The following CELSR3 variants were observed in gnomAD, a reference collection of about 807,000 sequenced individuals.
CELSR3 encodes the protein cadherin EGF LAG seven-pass G-type receptor 3.
Under a neutral mutation model 270.0 loss-of-function variants are expected in CELSR3, and 73 were observed. The observed-to-expected ratio is 0.27, with a 90% CI of 0.22 to 0.33. The LOEUF is 0.33. CELSR3 is among the 10% of genes least tolerant of loss of function. The pLI is 1.00. For synonymous variants in CELSR3, 1,780 were observed against 1,905.4 expected (o/e 0.93, Z 1.71); for missense variants, 3,614 against 4,533.8 (o/e 0.80, Z 5.83).
Position 48,639,861 on chromosome 3 carries a change from G to C in CELSR3, c.9724C>G (p.Gln3242Glu), listed in dbSNP as rs752095861. 6.2e-7 allele frequency: 1 copy of C among 1,613,738 alleles called. No homozygotes were observed. The change falls in exon 34 of 35, where the codon CAG becomes GAG. Residue 3242 changes from glutamine (Q) to glutamate (E), a missense_variant. This residue lies in a region of CELSR3 where 1,240 missense variants were observed against 1,351.7 expected (regional missense o/e 0.92). Transcript: ENST00000164024. The surrounding 1 kb of genome is among the most constrained non-coding windows in gnomAD (Gnocchi z 4.1). ...SGPSHGPSTE[Q>E]LDILSSILAS... is the part of the protein sequence containing the mutation. Reference sequence around the variant, plus strand: ...AGGATGGAGGAAAGAATGTCCAACTGTTCTGTGGAGGGGCCATGGCTGGGG... The same window carrying C: ...AGGATGGAGGAAAGAATGTCCAACTCTTCTGTGGAGGGGCCATGGCTGGGG...
chr3:48,652,135 T>A lies in CELSR3; in HGVS notation c.5752-87A>T. ...CAGAGCCAGCCACCCGGTCTGATGA[T>A]CCTTGACATGCAGTCTTCTGATACC... On this transcript the variant is annotated intron_variant, in intron 11 of 34. Coordinates refer to ENST00000164024, the MANE Select transcript of CELSR3 (RefSeq NM_001407.3). This position sits in a 1 kb window ranked among gnomAD's most constrained non-coding sequence, Gnocchi z 4.3. 1 of 1,307,824 alleles carries A rather than the reference T, an allele frequency of 7.6e-7. No individual in the cohort carries two copies. Among genetic ancestry groups the A allele is most frequent in the Non-Finnish European group, 1.0e-6 (1 of 980,550 alleles). The allele number at this position is 1,307,824 out of a possible 1,614,324, so 81.0% of individuals were successfully genotyped here. A position where few individuals can be genotyped will look rare whatever the true frequency, so the allele number is the denominator to read the frequency against.
In CELSR3 at chr3:48,655,716, G is replaced by A; in HGVS notation, c.4741+20C>T. On this transcript the variant is annotated intron_variant, in intron 4 of 34. Transcript: ENST00000164024. This position sits in a 1 kb window ranked among gnomAD's most constrained non-coding sequence, Gnocchi z 5.8. ...TCCAGCACACACGCACCCTTTCGCC[G>A]TCACATCCGGGGCACCCACCCGTGG... 18 of 1,602,438 alleles carry A rather than the reference G, an allele frequency of 1.1e-5. No individual in the cohort carries two copies. Among genetic ancestry groups the A allele is most frequent in the Non-Finnish European group, 1.5e-5 (17 of 1,169,782 alleles).
rs2047142504 is a variant in CELSR3 at position 48,652,060 on chromosome 3, C to T, written c.5752-12G>A. On this transcript the variant is annotated splice_polypyrimidine_tract_variant and intron_variant, in intron 11 of 34. Transcript: ENST00000164024. This position sits in a 1 kb window ranked among gnomAD's most constrained non-coding sequence, Gnocchi z 4.3. ...CCGAGCCACACCCCCTGTGGACACA[C>T]AGCCAGCAAGGGGTGAGACCATGTT... The T allele has an allele frequency of 5.2e-6, 8 of 1,525,894 alleles. No homozygotes were observed. The South Asian group carries it at 9.1e-5, about 17-fold the overall frequency. The allele number at this position is 1,525,894 out of a possible 1,614,324, so 94.5% of individuals were successfully genotyped here.
At position 48,642,087 on chromosome 3, in the gene CELSR3, G is replaced by A. The variant is rs1171487690; in HGVS notation, c.8666-78C>T. On this transcript the variant is annotated intron_variant, in intron 31 of 34. Transcript: ENST00000164024. This position sits in a 1 kb window ranked among gnomAD's most constrained non-coding sequence, Gnocchi z 6.1. The stretch of plus-strand genomic sequence containing the variant: ...GGGAATTTGGAGTTGAGGGTCTAGA[G>A]GTGGGTACGGCAAGGGGGTTAGGGT... 2.2e-6 allele frequency: 3 copies of A among 1,385,896 alleles called. No individual in the cohort carries two copies. Among genetic ancestry groups the A allele is most frequent in the Non-Finnish European group, 2.9e-6 (3 of 1,029,992 alleles). The allele number at this position is 1,385,896 out of a possible 1,614,324, so 85.8% of individuals were successfully genotyped here. A position where few individuals can be genotyped will look rare whatever the true frequency, so the allele number is the denominator to read the frequency against.
In CELSR3 at chr3:48,656,302, C is replaced by T; in HGVS notation, c.4463G>A (p.Gly1488Asp). The change falls in exon 3 of 35, where the codon GGC (glycine) becomes GAC (aspartate). Residue 1488 changes from glycine (G) to aspartate (D), a missense_variant. Physicochemically the swap from Gly to Asp is moderately conservative, Grantham distance 94 (BLOSUM62 -1). Coordinates refer to ENST00000164024, the MANE Select transcript of CELSR3 (RefSeq NM_001407.3). ...GCCGTTGGGCGCGTCGGTGCAGGTG[C>T]CCCCGTTGCGGCAGACGCCCGGCAC... ...RCVPGVCRNG[G>D]TCTDAPNGGF... 2 of 1,505,610 alleles carry T rather than the reference C, an allele frequency of 1.3e-6. No individual in the cohort carries two copies. Among genetic ancestry groups the T allele is most frequent in the East Asian group, 2.6e-5 (1 of 38,508 alleles). 93.3% of individuals were successfully genotyped at this position (1,505,610 alleles called of 1,614,324 possible).
In CELSR3 at chr3:48,644,385, A is replaced by C; in HGVS notation, c.8086-90T>G. The C allele has an allele frequency of 2.4e-6, 3 of 1,245,476 alleles. No individual in the cohort carries two copies. Among genetic ancestry groups the C allele is most frequent in the Non-Finnish European group, 3.5e-6 (3 of 855,328 alleles). The allele number at this position is 1,245,476 out of a possible 1,614,324, so 77.2% of individuals were successfully genotyped here. ...GAGAGACAGAGAGAGACTAAGATTC[A>C]CGGAGAGAGGCAGAACCAGTGAGAA... On this transcript the variant is annotated intron_variant, in intron 26 of 34. Coordinates refer to ENST00000164024, the MANE Select transcript of CELSR3 (RefSeq NM_001407.3). This position sits in a 1 kb window ranked among gnomAD's most constrained non-coding sequence, Gnocchi z 4.8.
chr3:48,645,747 G>T lies in CELSR3; in HGVS notation c.7585C>A (p.Arg2529Ser). 1 of 1,608,854 alleles carries T rather than the reference G, an allele frequency of 6.2e-7. No homozygotes were observed. Among genetic ancestry groups the T allele is most frequent in the Admixed American group, 1.7e-5 (1 of 59,944 alleles). ...GACACTGAACACAGCCCCACCTCAC[G>T]GGGAGAGGCATCCATGAGGACCCCA... is the stretch of plus-strand genomic sequence containing the variant. The part of the protein sequence containing the change: ...TFGVLMDASP[R>S]ERLEGDLELL... Residue 2529 changes from arginine to serine, a missense_variant, in exon 23 of 35, where the codon CGT becomes AGT. Arg to Ser is a moderately radical substitution (Grantham distance 110). Coordinates refer to ENST00000164024, the MANE Select transcript of CELSR3 (RefSeq NM_001407.3). The surrounding 1 kb of genome is among the most constrained non-coding windows in gnomAD (Gnocchi z 5.4).
chr3:48,638,163 C>G lies in CELSR3; in HGVS notation c.*42G>C. 2 of 1,591,476 alleles carry G rather than the reference C, an allele frequency of 1.3e-6. No individual in the cohort carries two copies. Among genetic ancestry groups the G allele is most frequent in the Non-Finnish European group, 1.7e-6 (2 of 1,159,772 alleles). The stretch of plus-strand genomic sequence containing the variant: ...GGAGTCTCTCCTGTTAGCCTAGATC[C>G]TCTGTCGCCCTCAGCTGTTCCTCGT... On this transcript the variant is annotated 3_prime_UTR_variant, in exon 35 of 35. Coordinates refer to ENST00000164024, the MANE Select transcript of CELSR3 (RefSeq NM_001407.3).
At position 48,641,205 on chromosome 3, in the gene CELSR3, G is replaced by A. The variant is rs1479716487; in HGVS notation, c.9025+119C>T. 18 of 720,426 alleles carry A rather than the reference G, an allele frequency of 2.5e-5. No homozygotes were observed. Among genetic ancestry groups the A allele is most frequent in the Admixed American group, 1.5e-4 (7 of 45,192 alleles). 44.6% of individuals were successfully genotyped at this position (720,426 alleles called of 1,614,324 possible). ...TGAAGCAGGCTAGAGAAGCAGAAGC[G>A]CCCTAGGTCAGAGTAAGAAGAGCTC... On this transcript the variant is annotated intron_variant, in intron 33 of 34. Transcript: ENST00000164024. This position sits in a 1 kb window ranked among gnomAD's most constrained non-coding sequence, Gnocchi z 4.8.
In CELSR3 at chr3:48,640,264, A is replaced by C; in HGVS notation, c.9321T>G (p.Ala3107=). The C allele has an allele frequency of 6.2e-7, 1 of 1,612,862 alleles. No individual in the cohort carries two copies. Among genetic ancestry groups the C allele is most frequent in the Non-Finnish European group, 8.5e-7 (1 of 1,179,960 alleles). ...SRPGSQECMD[A]APGRLEPKDR... is the part of the protein sequence containing the mutation. ...CTTTGGGCTCCAGTCGGCCTGGTGCAGCATCCATGCATTCCTGGGACCCTG... is the reference window on the plus strand; with the variant it reads ...CTTTGGGCTCCAGTCGGCCTGGTGCCGCATCCATGCATTCCTGGGACCCTG... The change falls in exon 34 of 35, where the codon GCT becomes GCG. Residue 3107 remains alanine, a synonymous_variant. Transcript: ENST00000164024. This position sits in a 1 kb window ranked among gnomAD's most constrained non-coding sequence, Gnocchi z 7.5.
Position 48,646,056 on chromosome 3 carries a change from C to G in CELSR3, c.7463+34G>C, listed in dbSNP as rs371420712. The G allele has an allele frequency of 1.9e-6, 3 of 1,608,684 alleles. No individual in the cohort carries two copies. The highest frequency in any genetic ancestry group is 3.4e-5 in the Admixed American group (2 of 59,376). ...TATTAGTTGGCCTCCCAAGGGCTAACGGGACCAAGGGTTTCCAGAATGGGG... is the reference window on the plus strand; with the variant it reads ...TATTAGTTGGCCTCCCAAGGGCTAAGGGGACCAAGGGTTTCCAGAATGGGG... On this transcript the variant is annotated intron_variant, in intron 22 of 34. Transcript: ENST00000164024. The surrounding 1 kb of genome is among the most constrained non-coding windows in gnomAD (Gnocchi z 4.8).
In CELSR3 at chr3:48,642,539, G is replaced by T. The variant is rs2047037498; in HGVS notation, c.8556-72C>A. On this transcript the variant is annotated intron_variant, in intron 30 of 34. Transcript: ENST00000164024. The surrounding 1 kb of genome is among the most constrained non-coding windows in gnomAD (Gnocchi z 6.1). ...GTGCCTTGGAGGCTGGAGTGTCTTT[G>T]AGTGCACAGCCAGCTGCGGGTGGAA... is the stretch of plus-strand genomic sequence containing the variant. 2 of 1,512,114 alleles carry T rather than the reference G, an allele frequency of 1.3e-6. No individual in the cohort carries two copies. The highest frequency in any genetic ancestry group is 2.8e-5 in the African/African-American group (2 of 72,702). 93.7% of individuals were successfully genotyped at this position (1,512,114 alleles called of 1,614,324 possible).
chr3:48,655,855 GGCGGGGTGGGAGGGGGTT>G lies in CELSR3; in HGVS notation c.4626-22_4626-5del. On this transcript the variant is annotated splice_region_variant and splice_polypyrimidine_tract_variant and intron_variant, in intron 3 of 34. Transcript: ENST00000164024. The surrounding 1 kb of genome is among the most constrained non-coding windows in gnomAD (Gnocchi z 5.8). ...GCTCTGCTGCACTGTCGCGAACCTG[GGCGGGGTGGGAGGGGGTT>G]GCGGGGGTGGGAGCGTCAGGAGCAG... 1 of 1,554,900 alleles carries G rather than the reference GGCGGGGTGGGAGGGGGTT, an allele frequency of 6.4e-7. No homozygotes were observed. Among genetic ancestry groups the G allele is most frequent in the Non-Finnish European group, 8.9e-7 (1 of 1,128,688 alleles).
rs771984257 is a variant in CELSR3, at chr3:48,659,428, A to G, written c.3207T>C (p.Ala1069=). ...CTTTCACCCGCACCTCAAACTCCTC[A>G]GCTGGGAAGACAGGTGCATTGTCGT... The part of the protein sequence containing the change: ...DVNDNAPVFP[A]EEFEVRVKEN... Residue 1069 remains alanine (A), a synonymous_variant, in exon 1 of 35, where the codon GCT becomes GCC. Coordinates refer to ENST00000164024, the MANE Select transcript of CELSR3 (RefSeq NM_001407.3). This position sits in a 1 kb window ranked among gnomAD's most constrained non-coding sequence, Gnocchi z 8.1. The G allele has an allele frequency of 1.9e-6, 3 of 1,614,054 alleles. No homozygotes were observed. The highest frequency in any genetic ancestry group is 2.5e-6 in the Non-Finnish European group (3 of 1,180,038).
At position 48,642,846 on chromosome 3, in the gene CELSR3, C is replaced by G. The variant is rs770305695; in HGVS notation, c.8445G>C (p.Glu2815Asp). ...GAYNNTALFEESGLIRITLGA... is the reference protein window; with the variant it reads ...GAYNNTALFEDSGLIRITLGA... ...CCAGAGTGATGCGGATGAGGCCACT[C>G]TCCTCAAAGAGAGCCGTGTTGTTGT... The change falls in exon 30 of 35, where the codon GAG (glutamate) becomes GAC (aspartate). Residue 2815 changes from glutamate (E) to aspartate (D), a missense_variant. Coordinates refer to ENST00000164024, the MANE Select transcript of CELSR3 (RefSeq NM_001407.3). The surrounding 1 kb of genome is among the most constrained non-coding windows in gnomAD (Gnocchi z 6.1). 1.9e-6 allele frequency: 3 copies of G among 1,613,226 alleles called. No individual in the cohort carries two copies. The highest frequency in any genetic ancestry group is 2.5e-6 in the Non-Finnish European group (3 of 1,179,944).
At position 48,644,704 on chromosome 3, in the gene CELSR3, C is replaced by T; in HGVS notation, c.8085+12G>A. The T allele has an allele frequency of 1.9e-6, 3 of 1,604,852 alleles. No homozygotes were observed. The highest frequency in any genetic ancestry group is 2.6e-6 in the Non-Finnish European group (3 of 1,172,246). ...GGAAGTACAGAGGGGGCACCAAGTC[C>T]AGGGCACTCACCACTATGACCAGGA... is the stretch of plus-strand genomic sequence containing the variant. On this transcript the variant is annotated intron_variant, in intron 26 of 34. Coordinates refer to ENST00000164024, the MANE Select transcript of CELSR3 (RefSeq NM_001407.3). The surrounding 1 kb of genome is among the most constrained non-coding windows in gnomAD (Gnocchi z 4.8).
chr3:48,638,483 G>A (rs2046993168), intron 34 of CELSR3, among the ~76,000 whole-genome samples: 1 of 152,170 alleles, frequency 6.6e-6, no homozygotes, highest in South Asian at 2.1e-4. Context: ...ACTGTTTACA[G>A]ATGCTATATT....
chr3:48,639,833 G>A lies in CELSR3; in HGVS notation c.9752C>T (p.Ala3251Val). ...EQLDILSSIL[A>V]SFNSSALSSV... ...GGAGAGGGCCGAGGAGTTGAAAGAG[G>A]CAAGGATGGAGGAAAGAATGTCCAA... Residue 3251 changes from alanine (A) to valine (V), a missense_variant, in exon 34 of 35, where the codon GCC (alanine) becomes GTC (valine). Physicochemically the swap from Ala to Val is moderately conservative, Grantham distance 64. Coordinates refer to ENST00000164024, the MANE Select transcript of CELSR3 (RefSeq NM_001407.3). This position sits in a 1 kb window ranked among gnomAD's most constrained non-coding sequence, Gnocchi z 4.1. The A allele has an allele frequency of 6.2e-7, 1 of 1,613,912 alleles. No homozygotes were observed. The highest frequency in any genetic ancestry group is 8.5e-7 in the Non-Finnish European group (1 of 1,180,018).
Position 48,640,584 on chromosome 3 carries a change from C to A in CELSR3, c.9026-25G>T. 5 of 1,470,738 alleles carry A rather than the reference C, an allele frequency of 3.4e-6. No individual in the cohort carries two copies. Among genetic ancestry groups the A allele is most frequent in the Admixed American group, 2.2e-5 (1 of 45,418 alleles). The allele number at this position is 1,470,738 out of a possible 1,614,324, so 91.1% of individuals were successfully genotyped here. On this transcript the variant is annotated intron_variant, in intron 33 of 34. Transcript: ENST00000164024. The surrounding 1 kb of genome is among the most constrained non-coding windows in gnomAD (Gnocchi z 7.5). ...CCTGTGAGAGGAAGAAAATGGGGGG[C>A]AGGGTTTGTGTGGGAGGGGGAGGGC... is the stretch of plus-strand genomic sequence containing the variant.
Sources: gnomAD v4.1 joint callset for allele counts (sites outside exome capture counted in the v4.1 genomes callset) on GRCh38, gnomAD v4.1.1 for gene constraint, gnomAD v4.1.1 regional missense constraint, Gnocchi (gnomAD v3.1) non-coding constraint, MANE v1.5 for transcripts, NCBI Gene and HGNC (gene_info 2026-07-23, HGNC 2026-07-21) for gene names.